Variants in GALNT10 observed in about 807,000 individuals in gnomAD.
GALNT10 encodes the protein GalNAc transferase 10.
Under a neutral mutation model 75.0 loss-of-function variants are expected in GALNT10, and 41 were observed. That is an observed-to-expected ratio of 0.55 (90% CI 0.43 to 0.71). The LOEUF (loss-of-function observed/expected upper bound fraction) is 0.71, where lower values mean the gene tolerates loss of function less well. Ranked by LOEUF, GALNT10 falls within the 30% of genes least tolerant of loss-of-function variation. The pLI is 0.00. For synonymous variants in GALNT10, 302 were observed against 313.0 expected (o/e 0.96, Z 0.37); for missense variants, 727 against 818.5 (o/e 0.89, Z 1.36).
chr5:154,217,998 T>C, intron 1 of GALNT10: 2 of 984,540 alleles, frequency 2.0e-6, no homozygotes, highest in Non-Finnish European at 2.4e-6. Flanking sequence ...AATCATTCCA[T>C]GTGGTTTCTT....
At chr5:154,360,275 C>A (rs1360294788) in intron 4 of GALNT10, among the ~76,000 whole-genome samples, 3 of 151,782 alleles carry the variant, frequency 2.0e-5, no homozygotes, top group African/African-American at 7.3e-5. Flanking sequence ...CATGGTGAAA[C>A]CCTGTCTCTA....
intron 4 of GALNT10, among the ~76,000 whole-genome samples, chr5:154,358,932 T>C (rs1192547628): frequency 6.6e-6 from 1 of 152,208 alleles, no homozygotes; most frequent in African/African-American, 2.4e-5. Context: ...CCTCATTGAA[T>C]ATGCCTTCGT....
intron 1 of GALNT10, among the ~76,000 whole-genome samples, chr5:154,205,003 C>T (rs1208779848): frequency 6.6e-6 from 1 of 152,182 alleles, no homozygotes; most frequent in Non-Finnish European, 1.5e-5. Context: ...CCTGTGTTCC[C>T]AGATACCCTA....
At chr5:154,403,413 G>A (rs560788799) in intron 7 of GALNT10, among the ~76,000 whole-genome samples, 10 of 152,162 alleles carry the variant, frequency 6.6e-5, no homozygotes, top group Non-Finnish European at 1.3e-4. Context: ...CTGGGAGAGG[G>A]AGGCAAAGAG....
chr5:154,322,135 T>C (rs1754685430), intron 3 of GALNT10, among the ~76,000 whole-genome samples: 1 of 152,198 alleles, frequency 6.6e-6, no homozygotes, highest in Non-Finnish European at 1.5e-5. Flanking sequence ...AAATACATCA[T>C]GCGTGGGTCT....
At chr5:154,225,577 T>C (rs554335445) in intron 1 of GALNT10, among the ~76,000 whole-genome samples, 3 of 152,054 alleles carry the variant, frequency 2.0e-5, no homozygotes, top group Admixed American at 6.5e-5. Context: ...TTATTATTTT[T>C]ATCTTTTGTT....
chr5:154,263,591 C>T (rs891610146), intron 1 of GALNT10, among the ~76,000 whole-genome samples: 1 of 152,276 alleles, frequency 6.6e-6, no homozygotes, highest in Admixed American at 6.5e-5. Context: ...AAATTTATTT[C>T]TCACATTCCT....
At chr5:154,372,037 A>G (rs1755580737) in intron 4 of GALNT10, among the ~76,000 whole-genome samples, 1 of 152,226 alleles carries the variant, frequency 6.6e-6, no homozygotes. Context: ...AAGGTTCATC[A>G]TTCTATTCTA....
intron 4 of GALNT10, among the ~76,000 whole-genome samples, chr5:154,373,725 G>C (rs2113170126): frequency 6.6e-6 from 1 of 152,218 alleles, no homozygotes; most frequent in Non-Finnish European, 1.5e-5. Context: ...GTAAAATAGG[G>C]CAACGGCCCG....
At position 154,245,760 on chromosome 5, in the gene GALNT10, T is replaced by C. The variant is rs548060092; in HGVS notation, c.160-49056T>C. Among the ~76,000 whole-genome samples the C allele has an allele frequency of 7.9e-5, 12 of 151,944 alleles. No homozygotes were observed. The South Asian group carries it at 2.3e-3, about 29-fold the overall frequency. On this transcript the variant is annotated intron_variant, in intron 1 of 11. Coordinates refer to ENST00000297107, the MANE Select transcript of GALNT10 (RefSeq NM_198321.4). ...ATAAACAATGGAAATGGTAAGCATC[T>C]GGGATAAAAGTGGGCCTGGCCAGGG...
intron 1 of GALNT10, among the ~76,000 whole-genome samples, chr5:154,229,350 G>T (rs551433934): frequency 2.0e-5 from 3 of 152,264 alleles, no homozygotes; most frequent in African/African-American, 4.8e-5. Context: ...TGCATAGTAT[G>T]CTCTACCTCT....
At chr5:154,219,779 G>A (rs1033705584) in intron 1 of GALNT10, 1 of 151,792 alleles carries the variant, frequency 6.6e-6, no homozygotes, top group African/African-American at 2.4e-5. Context: ...GAGACAGTAA[G>A]TGAATTCTGT....
At chr5:154,356,965 A>ATAC in intron 4 of GALNT10, among the ~76,000 whole-genome samples, 1 of 152,356 alleles carries the variant, frequency 6.6e-6, no homozygotes, top group Middle Eastern at 3.4e-3. Flanking sequence ...ACCAACTATG[A>ATAC]TACTCCTCTT....
chr5:154,294,949 C>T (rs764115278), intron 2 of GALNT10, 31 bp downstream of exon 2: 1 of 1,023,794 alleles, frequency 9.8e-7, no homozygotes, highest in Non-Finnish European at 1.6e-6. Flanking sequence ...CATGGGTGGG[C>T]TCTGTGAAGG....
intron 1 of GALNT10, among the ~76,000 whole-genome samples, chr5:154,253,466 A>C (rs981718978): frequency 1.3e-5 from 2 of 151,968 alleles, no homozygotes; most frequent in Non-Finnish European, 2.9e-5. Flanking sequence ...TGGGTGCAGC[A>C]CACCAACATG....
At chr5:154,398,313 A>G (rs1218611735) in intron 7 of GALNT10, among the ~76,000 whole-genome samples, 3 of 152,220 alleles carry the variant, frequency 2.0e-5, no homozygotes, top group Non-Finnish European at 2.9e-5. Flanking sequence ...AAGGAGAGGA[A>G]CTGCAAAATG....
At chr5:154,262,827 C>T (rs138117321) in intron 1 of GALNT10, among the ~76,000 whole-genome samples, 224 of 152,212 alleles carry the variant, frequency 1.5e-3, no homozygotes, top group African/African-American at 5.3e-3. Context: ...AACTAGACCC[C>T]ATTTTTATTC....
At chr5:154,373,988 C>T (rs901639528) in intron 4 of GALNT10, among the ~76,000 whole-genome samples, 4 of 152,114 alleles carry the variant, frequency 2.6e-5, no homozygotes, top group African/African-American at 7.2e-5. Context: ...ATCTCATTCT[C>T]GTTGTAATGA....
chr5:154,372,574 A>G (rs1042099230), intron 4 of GALNT10, among the ~76,000 whole-genome samples: 2 of 152,206 alleles, frequency 1.3e-5, no homozygotes, highest in African/African-American at 4.8e-5. Context: ...GGCCACCAGG[A>G]AGAGTGCCTG....
Sources: gnomAD v4.1 joint callset for allele counts (sites outside exome capture counted in the v4.1 genomes callset) on GRCh38, gnomAD v4.1.1 for gene constraint, MANE v1.5 for transcripts, NCBI Gene and HGNC (gene_info 2026-07-23, HGNC 2026-07-21) for gene names.